The following STMN3 variants were observed in gnomAD, a reference collection of about 807,000 sequenced individuals.
STMN3 encodes stathmin-3.
Under a neutral mutation model 23.2 loss-of-function variants are expected in STMN3, and 24 were observed. The observed-to-expected ratio is 1.03, with a 90% CI of 0.75 to 1.45. The LOEUF is 1.45. STMN3 is among the 40% of genes most tolerant of loss of function. STMN3 has a pLI of 0.00. For missense variants in STMN3, 235 were observed against 237.6 expected, an observed-to-expected ratio of 0.99 and a Z score of 0.07; for synonymous variants, 117 against 103.4, an observed-to-expected ratio of 1.13 and a Z score of -0.80.
At chr20:63,644,069 A>G in intron 2 of STMN3, 138 bp from the exon 3 acceptor site, 2 of 1,370,606 alleles carry the variant, frequency 1.5e-6, no homozygotes, top group Admixed American at 2.3e-5. Flanking sequence ...CCCAGGCTTC[A>G]GCCCCCAGGA....
In STMN3 at chr20:63,643,882, C is replaced by T. The variant is rs2089788542; in HGVS notation, c.165G>A (p.Glu55=). The change falls in exon 3 of 5, where the codon GAG becomes GAA. Residue 55 remains glutamate, a synonymous_variant. Transcript: ENST00000370053. ...LDKRASGQSF[E]VILKSPSDLS... The stretch of plus-strand genomic sequence containing the variant: ...GGTCAGAAGGGGACTTGAGGATGAC[C>T]TCGAAGCTCTGGCCTGAGGCCCGCT... 1.3e-6 allele frequency: 2 copies of T among 1,596,978 alleles called. No homozygotes were observed. Among genetic ancestry groups the T allele is most frequent in the Non-Finnish European group, 1.7e-6 (2 of 1,175,630 alleles).
intron 1 of STMN3, among the ~76,000 whole-genome samples, chr20:63,648,027 C>G (rs2089832286): frequency 7.4e-6 from 1 of 135,528 alleles, no homozygotes; most frequent in Admixed American, 8.0e-5. Context: ...GTCTTGCTGT[C>G]TTGTCCAGGC....
intron 1 of STMN3, among the ~76,000 whole-genome samples, chr20:63,647,930 G>GTA (rs369925756): frequency 0.4 from 25,907 of 64,422 alleles, 5,462 homozygotes; most frequent in African/African-American, 0.57. Flanking sequence ...ATATATATAC[G>GTA]TATATATGTG....
chr20:63,647,988 A>G (rs1394050283), intron 1 of STMN3, among the ~76,000 whole-genome samples: 15 of 110,544 alleles, frequency 1.4e-4, no homozygotes, highest in African/African-American at 5.5e-4. Context: ...ATACATATAT[A>G]TATACAGAGA....
At position 63,640,754 on chromosome 20, in the gene STMN3, A is replaced by G. The variant is rs2315000; in HGVS notation, c.*584T>C. ...AGGCCCAGGGTGTCCACCTCACGCCAGGTGGTCTCAGAGGACCCCTGTGCA... is the reference window on the plus strand; with the variant it reads ...AGGCCCAGGGTGTCCACCTCACGCCGGGTGGTCTCAGAGGACCCCTGTGCA... On this transcript the variant is annotated 3_prime_UTR_variant, in exon 5 of 5. Transcript: ENST00000370053. 3 of 189,380 alleles carry G rather than the reference A, an allele frequency of 1.6e-5. No homozygotes were observed. Among genetic ancestry groups the G allele is most frequent in the South Asian group, 8.1e-5 (1 of 12,274 alleles). 11.7% of individuals were successfully genotyped at this position (189,380 alleles called of 1,614,324 possible).
intron 3 of STMN3, 27 bp downstream of exon 3, chr20:63,643,729 G>T (rs1436230981): frequency 1.3e-6 from 2 of 1,510,978 alleles, no homozygotes; most frequent in East Asian, 4.9e-5. Context: ...GAAACTCCTG[G>T]GGGGTGGGGG....
rs1392546947 is a variant in STMN3 at position 63,652,672 on chromosome 20, C to A, written c.19+655G>T. ...TTGGGGATCGCAGTCGCCCCTCCCC[C>A]ATCCAGACCCCGCGGCGCAAAGGGC... On this transcript the variant is annotated intron_variant, in intron 1 of 4. Coordinates refer to ENST00000370053, the MANE Select transcript of STMN3 (RefSeq NM_015894.4). The surrounding 1 kb of genome is among the most constrained non-coding windows in gnomAD (Gnocchi z 5.3). The A allele has an allele frequency of 2.0e-6, 2 of 985,794 alleles. No individual in the cohort carries two copies. Among genetic ancestry groups the A allele is most frequent in the African/African-American group, 3.5e-5 (2 of 57,390 alleles). 61.1% of individuals were successfully genotyped at this position (985,794 alleles called of 1,614,324 possible).
chr20:63,647,413 G>A (rs1258229076), intron 1 of STMN3, among the ~76,000 whole-genome samples: 4 of 149,190 alleles, frequency 2.7e-5, no homozygotes, highest in Admixed American at 2.0e-4. Flanking sequence ...TCAGGAGTTC[G>A]AGACCAGCCT....
rs1406449567 is a variant in STMN3, at chr20:63,643,740, A to G, written c.291+16T>C. The G allele has an allele frequency of 2.0e-6, 3 of 1,518,768 alleles. No individual in the cohort carries two copies. The highest frequency in any genetic ancestry group is 2.6e-6 in the Non-Finnish European group (3 of 1,143,332). 94.1% of individuals were successfully genotyped at this position (1,518,768 alleles called of 1,614,324 possible). On this transcript the variant is annotated intron_variant, in intron 3 of 4. Transcript: ENST00000370053. ...CGTTGAAACTCCTGGGGGGTGGGGG[A>G]TGGAGGACTCCTTGCCTTCCTCCGC...
At chr20:63,651,305 C>G (rs1048482367) in intron 1 of STMN3, among the ~76,000 whole-genome samples, 1 of 152,336 alleles carries the variant, frequency 6.6e-6, no homozygotes. Context: ...GGCAAGCATT[C>G]CACCCAGCAT....
At chr20:63,643,964 G>T (rs2089789175) in intron 2 of STMN3, 33 bp from the exon 3 acceptor site, 3 of 1,583,628 alleles carry the variant, frequency 1.9e-6, no homozygotes, top group South Asian at 1.2e-5. Flanking sequence ...AGCTTCAGAG[G>T]CCCGGCCAGG....
intron 3 of STMN3, among the ~76,000 whole-genome samples, chr20:63,643,198 G>A (rs2089782607): frequency 6.6e-6 from 1 of 152,200 alleles, no homozygotes. Flanking sequence ...TGACAAGGGT[G>A]CCTCCCACCC....
chr20:63,646,688 G>C (rs537617640), intron 1 of STMN3, among the ~76,000 whole-genome samples: 1 of 152,088 alleles, frequency 6.6e-6, no homozygotes, highest in African/African-American at 2.4e-5. Flanking sequence ...GTGCTCTGTT[G>C]CCCATGCTGG....
At chr20:63,644,025 C>G in intron 2 of STMN3, 94 bp from the exon 3 acceptor site, 1 of 1,523,272 alleles carries the variant, frequency 6.6e-7, no homozygotes, top group Non-Finnish European at 8.8e-7. Context: ...AACCCCAGGG[C>G]TGGGCGAGAG....
intron 4 of STMN3, among the ~76,000 whole-genome samples, chr20:63,641,727 T>C (rs1343489956): frequency 6.6e-6 from 1 of 152,172 alleles, no homozygotes; most frequent in East Asian, 1.9e-4. Flanking sequence ...ACTCTGGACC[T>C]GCCTCGTGCG....
At chr20:63,647,237 G>A (rs1306828577) in intron 1 of STMN3, among the ~76,000 whole-genome samples, 2 of 151,140 alleles carry the variant, frequency 1.3e-5, no homozygotes, top group East Asian at 3.9e-4. Flanking sequence ...GAACCCGGGA[G>A]GTGGAGGTTG....
Position 63,652,021 on chromosome 20 carries a change from C to T in STMN3, c.19+1306G>A, listed in dbSNP as rs566251296. 1 of 152,520 alleles carries T rather than the reference C, an allele frequency of 6.6e-6. No homozygotes were observed. Among genetic ancestry groups the T allele is most frequent in the African/African-American group, 2.4e-5 (1 of 41,468 alleles). The allele number at this position is 152,520 out of a possible 1,614,324, so 9.4% of individuals were successfully genotyped here. A position where few individuals can be genotyped will look rare whatever the true frequency, so the allele number is the denominator to read the frequency against. On this transcript the variant is annotated intron_variant, in intron 1 of 4. Coordinates refer to ENST00000370053, the MANE Select transcript of STMN3 (RefSeq NM_015894.4). This position sits in a 1 kb window ranked among gnomAD's most constrained non-coding sequence, Gnocchi z 5.3. ...CCCTCCGCTGAGAGCCCCCCCACCC[C>T]CAGTATCCCCGGGGGTGTCCAGGAG...
intron 1 of STMN3, 95 bp downstream of exon 1, chr20:63,653,232 T>C (rs2089874639): frequency 8.9e-6 from 13 of 1,459,764 alleles, no homozygotes; most frequent in African/African-American, 1.5e-5. Context: ...AGAAGGGAAA[T>C]TGGCGTCCGC....
chr20:63,652,453 C>T lies in STMN3; in HGVS notation c.19+874G>A. 8.7e-6 allele frequency: 5 copies of T among 573,894 alleles called. No homozygotes were observed. Among genetic ancestry groups the T allele is most frequent in the South Asian group, 7.6e-5 (1 of 13,218 alleles). The allele number at this position is 573,894 out of a possible 1,614,324, so 35.6% of individuals were successfully genotyped here. A position where few individuals can be genotyped will look rare whatever the true frequency, so the allele number is the denominator to read the frequency against. On this transcript the variant is annotated intron_variant, in intron 1 of 4. Transcript: ENST00000370053. The surrounding 1 kb of genome is among the most constrained non-coding windows in gnomAD (Gnocchi z 5.3). ...TCGGGAAGGGCGGGCCCAGCGTCCTCGCGCCCGAGGTCGCCCGGCAGCTCC... is the reference window on the plus strand; with the variant it reads ...TCGGGAAGGGCGGGCCCAGCGTCCTTGCGCCCGAGGTCGCCCGGCAGCTCC...
Sources: allele counts gnomAD v4.1 joint callset (sites outside exome capture counted in the v4.1 genomes callset), GRCh38; gene constraint gnomAD v4.1.1; non-coding constraint Gnocchi (gnomAD v3.1); transcripts MANE v1.5; gene names NCBI Gene and HGNC (gene_info 2026-07-23, HGNC 2026-07-21).